The following ABHD2 variants were observed in gnomAD, a reference collection of about 807,000 sequenced individuals.
ABHD2 encodes the protein abhydrolase domain containing 2, acylglycerol lipase.
A neutral mutation model predicts 48.1 loss-of-function variants in ABHD2; 20 were observed. The ratio of observed to expected loss-of-function variants is 0.42; its 90% CI spans 0.29 to 0.60. The LOEUF is 0.60. ABHD2 is among the 20% of genes least tolerant of loss of function. ABHD2 has a pLI of 0.24. For missense variants in ABHD2, 405 were observed against 550.9 expected, an observed-to-expected ratio of 0.74 and a Z score of 2.65; for synonymous variants, 209 against 214.2, an observed-to-expected ratio of 0.98 and a Z score of 0.21.
At chr15:89,132,529 G>GA (rs1316613587) in intron 3 of ABHD2, among the ~76,000 whole-genome samples, 2 of 152,218 alleles carry the variant, frequency 1.3e-5, no homozygotes, top group Non-Finnish European at 2.9e-5. Context: ...AGATATAGAT[G>GA]AAAAGGAAAC....
At position 89,116,447 on chromosome 15, in the gene ABHD2, C is replaced by T. The variant is rs2049962823; in HGVS notation, c.120C>T (p.Ala40=). Residue 40 remains alanine, a synonymous_variant, in exon 3 of 11, where the codon GCC becomes GCT. Coordinates refer to ENST00000352732, the MANE Select transcript of ABHD2 (RefSeq NM_152924.5). This position sits in a 1 kb window ranked among gnomAD's most constrained non-coding sequence, Gnocchi z 4.6. ...GTTTGAACCTGAAGAGCCCCACAGC[C>T]CCACCTGACCTCTACTTCCAGGACT... The part of the protein sequence containing the change: ...VRCLNLKSPT[A]PPDLYFQDSG... The T allele has an allele frequency of 6.2e-7, 1 of 1,614,054 alleles. No homozygotes were observed. Among genetic ancestry groups the T allele is most frequent in the Non-Finnish European group, 8.5e-7 (1 of 1,180,038 alleles).
the ABHD2 span, among the ~76,000 whole-genome samples, chr15:89,044,254 T>C: frequency 6.6e-6 from 1 of 152,218 alleles, no homozygotes; most frequent in East Asian, 1.9e-4. Flanking sequence ...TATAGTTGCA[T>C]GGTATTCCAT....
chr15:89,151,833 G>A lies in ABHD2; in HGVS notation c.351G>A (p.Leu117=), dbSNP rs2150888340. Residue 117 remains leucine, a synonymous_variant, in exon 4 of 11, where the codon TTG becomes TTA. Transcript: ENST00000352732. The surrounding 1 kb of genome is among the most constrained non-coding windows in gnomAD (Gnocchi z 4.7). The part of the protein sequence containing the change: ...ATSTFDLFEP[L]AEHCVGDDIT... Reference sequence around the variant, plus strand: ...CTACATTCGACCTCTTCGAGCCCTTGGCTGAGCACTGTGTTGGAGGTGAGC... The same window carrying A: ...CTACATTCGACCTCTTCGAGCCCTTAGCTGAGCACTGTGTTGGAGGTGAGC... 1 of 1,614,122 alleles carries A rather than the reference G, an allele frequency of 6.2e-7. No homozygotes were observed. The highest frequency in any genetic ancestry group is 8.5e-7 in the Non-Finnish European group (1 of 1,180,006).
chr15:89,171,450 G>A (rs972606613), intron 5 of ABHD2, among the ~76,000 whole-genome samples: 3 of 152,118 alleles, frequency 2.0e-5, no homozygotes, highest in African/African-American at 7.2e-5. Flanking sequence ...TATAACCTCC[G>A]TGCAGCTTTT....
chr15:89,172,229 G>A (rs925026266), intron 5 of ABHD2, among the ~76,000 whole-genome samples: 3 of 152,106 alleles, frequency 2.0e-5, no homozygotes, highest in African/African-American at 7.2e-5. Flanking sequence ...TTGTTTTGCA[G>A]CCAATCTCCA....
intron 5 of ABHD2, among the ~76,000 whole-genome samples, chr15:89,161,344 C>G (rs2050758890): frequency 6.6e-6 from 1 of 152,080 alleles, no homozygotes; most frequent in African/African-American, 2.4e-5. Context: ...CATCTTGTTT[C>G]CTTTACTCCC....
At chr15:89,073,536 AT>A in the ABHD2 span, among the ~76,000 whole-genome samples, 30,206 of 152,106 alleles carry the variant, frequency 0.2, 3,664 homozygotes, top group East Asian at 0.35. Context: ...ACCTCAGGTG[AT>A]CCACCCTCCT....
At position 89,173,615 on chromosome 15, in the gene ABHD2, G is replaced by A. The variant is rs17207589; in HGVS notation, c.539-2197G>A. On this transcript the variant is annotated intron_variant, in intron 5 of 10. Transcript: ENST00000352732. This position sits in a 1 kb window ranked among gnomAD's most constrained non-coding sequence, Gnocchi z 6.5. ...AAGAAACTTGAATGAATCTGACTTC[G>A]GTGGGGACAACAGTCTGGCATTTCA... Among the ~76,000 whole-genome samples, 56,317 of 152,034 alleles carry A rather than the reference G, an allele frequency of 0.37. 11,272 individuals are homozygous for A. Among genetic ancestry groups the A allele is most frequent in the East Asian group, 0.8 (4,141 of 5,178 alleles).
chr15:89,052,546 G>C, the ABHD2 span, among the ~76,000 whole-genome samples: 29,323 of 136,962 alleles, frequency 0.21, 3,448 homozygotes, highest in African/African-American at 0.35. Flanking sequence ...CAGACAGACA[G>C]ACAGACAGAC....
Position 89,191,683 on chromosome 15 carries a change from A to G in ABHD2, c.996+534A>G, listed in dbSNP as rs1312897376. On this transcript the variant is annotated intron_variant, in intron 9 of 10. Coordinates refer to ENST00000352732, the MANE Select transcript of ABHD2 (RefSeq NM_152924.5). Reference sequence around the variant, plus strand: ...CGCTCTGTCGCCCAGGCTGGAGTGCAGTGGCGCAATCTCTGCTCACTGCAA... The same window carrying G: ...CGCTCTGTCGCCCAGGCTGGAGTGCGGTGGCGCAATCTCTGCTCACTGCAA... 8.9e-5 allele frequency among the ~76,000 whole-genome samples: 10 copies of G among 112,172 alleles called. 1 individual carries two copies. The highest frequency in any genetic ancestry group is 8.0e-4 in the Admixed American group (9 of 11,228). The allele number at this position is 112,172 out of a possible 152,430, so 73.6% of individuals were successfully genotyped here. A position where few individuals can be genotyped will look rare whatever the true frequency, so the allele number is the denominator to read the frequency against.
intron 3 of ABHD2, among the ~76,000 whole-genome samples, chr15:89,132,892 A>G (rs1198836112): frequency 6.6e-6 from 1 of 152,194 alleles, no homozygotes; most frequent in African/African-American, 2.4e-5. Flanking sequence ...CCATCTGAGA[A>G]AATGTTTTCC....
chr15:89,132,195 GAC>G (rs1168986711), intron 3 of ABHD2, among the ~76,000 whole-genome samples: 1 of 152,218 alleles, frequency 6.6e-6, no homozygotes, highest in Admixed American at 6.5e-5. Context: ...TGTCGGGTCA[GAC>G]ACACACAGAG....
intron 3 of ABHD2, among the ~76,000 whole-genome samples, chr15:89,127,721 A>ATGTG (rs1298891513): frequency 2.3e-5 from 2 of 87,436 alleles, no homozygotes; most frequent in African/African-American, 1.3e-4. Flanking sequence ...ATATATATAC[A>ATGTG]CATATATATA....
At chr15:89,059,400 C>A in the ABHD2 span, among the ~76,000 whole-genome samples, 1 of 152,168 alleles carries the variant, frequency 6.6e-6, no homozygotes, top group Admixed American at 6.5e-5. Flanking sequence ...CTGGGAGACG[C>A]CTACAGATTA....
chr15:89,060,509 C>T, the ABHD2 span, among the ~76,000 whole-genome samples: 2 of 151,902 alleles, frequency 1.3e-5, no homozygotes, highest in Non-Finnish European at 2.9e-5. Flanking sequence ...ACTTATCTGC[C>T]CTCTGCCCCA....
At chr15:89,117,656 A>T (rs2049982664) in intron 3 of ABHD2, among the ~76,000 whole-genome samples, 3 of 152,236 alleles carry the variant, frequency 2.0e-5, no homozygotes, top group Non-Finnish European at 4.4e-5. Flanking sequence ...TCCGTTCAGC[A>T]CATGACTAAT....
In ABHD2 at chr15:89,201,270, C is replaced by A. The variant is rs2051462866; in HGVS notation, c.*5847C>A. The A allele has an allele frequency of 8.3e-7, 1 of 1,203,348 alleles. No individual in the cohort carries two copies. The highest frequency in any genetic ancestry group is 1.5e-5 in the African/African-American group (1 of 65,262). The allele number at this position is 1,203,348 out of a possible 1,614,324, so 74.5% of individuals were successfully genotyped here. On this transcript the variant is annotated 3_prime_UTR_variant, in exon 11 of 11. Coordinates refer to ENST00000352732, the MANE Select transcript of ABHD2 (RefSeq NM_152924.5). ...GCTTCTGATAGCTTCATCATTTCTCCCTGAAGTCTTTTACACTCTTCTGTT... is the reference window on the plus strand; with the variant it reads ...GCTTCTGATAGCTTCATCATTTCTCACTGAAGTCTTTTACACTCTTCTGTT...
chr15:89,116,364 G>A lies in ABHD2; in HGVS notation c.37G>A (p.Val13Met), dbSNP rs377224438. The change falls in exon 3 of 11, where the codon GTG becomes ATG. Residue 13 changes from valine (V) to methionine (M), a missense_variant. Physicochemically the swap from Val to Met is conservative, Grantham distance 21 (BLOSUM62 1). Coordinates refer to ENST00000352732, the MANE Select transcript of ABHD2 (RefSeq NM_152924.5). The surrounding 1 kb of genome is among the most constrained non-coding windows in gnomAD (Gnocchi z 4.6). ...GCTGGAGACTCCCGAACTCCCAGCC[G>A]TGTTTGATGGAGTGAAGCTGGCTGC... ...AMLETPELPA[V>M]FDGVKLAAVA... is the part of the protein sequence containing the mutation. The A allele has an allele frequency of 2.7e-5, 44 of 1,614,076 alleles. No homozygotes were observed. The highest frequency in any genetic ancestry group is 4.0e-5 in the African/African-American group (3 of 74,936).
chr15:89,116,354 A>T lies in ABHD2; in HGVS notation c.27A>T (p.Glu9Asp), dbSNP rs777843137. Reference sequence around the variant, plus strand: ...TGAATGCCATGCTGGAGACTCCCGAACTCCCAGCCGTGTTTGATGGAGTGA... The same window carrying T: ...TGAATGCCATGCTGGAGACTCCCGATCTCCCAGCCGTGTTTGATGGAGTGA... MNAMLETPELPAVFDGVKL... is the reference protein window; with the variant it reads MNAMLETPDLPAVFDGVKL... Residue 9 changes from glutamate to aspartate, a missense_variant, in exon 3 of 11, where the codon GAA (glutamate) becomes GAT (aspartate). Physicochemically the swap from Glu to Asp is conservative, Grantham distance 45. Coordinates refer to ENST00000352732, the MANE Select transcript of ABHD2 (RefSeq NM_152924.5). This position sits in a 1 kb window ranked among gnomAD's most constrained non-coding sequence, Gnocchi z 4.6. The T allele has an allele frequency of 1.2e-6, 2 of 1,613,752 alleles. No homozygotes were observed. Among genetic ancestry groups the T allele is most frequent in the Non-Finnish European group, 1.7e-6 (2 of 1,179,910 alleles).
Sources: gnomAD v4.1 joint callset for allele counts (sites outside exome capture counted in the v4.1 genomes callset) on GRCh38, gnomAD v4.1.1 for gene constraint, Gnocchi (gnomAD v3.1) non-coding constraint, MANE v1.5 for transcripts, NCBI Gene and HGNC (gene_info 2026-07-23, HGNC 2026-07-21) for gene names.